The following ZRANB1 variants were observed in gnomAD, a reference collection of about 807,000 sequenced individuals.
ZRANB1 encodes ubiquitin thioesterase ZRANB1.
ZRANB1 carries 16 observed loss-of-function variants against 80.5 expected under a neutral mutation model. The observed-to-expected ratio is 0.20, with a 90% CI of 0.13 to 0.30. ZRANB1 has a LOEUF of 0.30. Ranked by LOEUF, ZRANB1 falls within the 10% of genes least tolerant of loss-of-function variation. The pLI is 1.00. For missense variants in ZRANB1, 576 were observed against 862.6 expected (o/e 0.67, Z 4.16); for synonymous variants, 291 against 293.1 (o/e 0.99, Z 0.07).
At chr10:124,932,281 ATTTTTTTTTTTTT>A in the ZRANB1 span, among the ~76,000 whole-genome samples, 220 of 115,224 alleles carry the variant, frequency 1.9e-3, no homozygotes, top group Non-Finnish European at 2.3e-3. Flanking sequence ...GGGTGTAAAG[ATTTTTTTTTTTTT>A]TTTTTTTTTT....
At chr10:124,922,244 T>TTA in the ZRANB1 span, among the ~76,000 whole-genome samples, 1 of 119,092 alleles carries the variant, frequency 8.4e-6, no homozygotes, top group African/African-American at 3.8e-5. Flanking sequence ...TGAGCCCAAA[T>TTA]TATATATATA....
Position 124,983,034 on chromosome 10 carries a change from A to G in ZRANB1, c.1549-141A>G, listed in dbSNP as rs1425961332. 3.9e-6 allele frequency: 3 copies of G among 778,196 alleles called. No homozygotes were observed. The highest frequency in any genetic ancestry group is 3.9e-6 in the Non-Finnish European group (2 of 508,078). 48.2% of individuals were successfully genotyped at this position (778,196 alleles called of 1,614,324 possible). ...TTTTACTGGATTTATTATTTGAGGA[A>G]TCAAATGCTGCTTTGACAATCTTTT... On this transcript the variant is annotated intron_variant, in intron 6 of 8. Transcript: ENST00000359653. This position sits in a 1 kb window ranked among gnomAD's most constrained non-coding sequence, Gnocchi z 6.2.
chr10:124,986,705 G>GTTA lies in ZRANB1; in HGVS notation c.*1714_*1716dup, dbSNP rs1400571033. 8 of 152,204 alleles carry GTTA rather than the reference G, an allele frequency of 5.3e-5. No homozygotes were observed. The highest frequency in any genetic ancestry group is 1.9e-4 in the African/African-American group (8 of 41,446). The allele number at this position is 152,204 out of a possible 1,614,324, so 9.4% of individuals were successfully genotyped here. Reference sequence around the variant, plus strand: ...ATAAGTAATCAAGTTTGTAGAAAATGTTAGCATTCTGACTACTTAGCATCT... The same window carrying GTTA: ...ATAAGTAATCAAGTTTGTAGAAAATGTTATTAGCATTCTGACTACTTAGCATCT... On this transcript the variant is annotated 3_prime_UTR_variant, in exon 9 of 9. Coordinates refer to ENST00000359653, the MANE Select transcript of ZRANB1 (RefSeq NM_017580.3).
chr10:124,929,944 C>CAAAAAA, the ZRANB1 span, among the ~76,000 whole-genome samples: 2 of 87,806 alleles, frequency 2.3e-5, no homozygotes, highest in Admixed American at 1.2e-4. Flanking sequence ...GACTCTGTCT[C>CAAAAAA]AAAAAAAAAA....
intron 5 of ZRANB1, among the ~76,000 whole-genome samples, chr10:124,980,386 A>G (rs74160988): frequency 0.027 from 4,133 of 152,292 alleles, 175 homozygotes; most frequent in African/African-American, 0.093. Context: ...TTTGAGTGCA[A>G]TCACCATTGA....
At chr10:124,921,158 T>C in the ZRANB1 span, among the ~76,000 whole-genome samples, 1 of 152,210 alleles carries the variant, frequency 6.6e-6, no homozygotes, top group Non-Finnish European at 1.5e-5. Flanking sequence ...GTTTCTCTGG[T>C]TTACTTCAGA....
At chr10:124,980,795 A>T (rs1951925030) in intron 5 of ZRANB1, among the ~76,000 whole-genome samples, 1 of 152,100 alleles carries the variant, frequency 6.6e-6, no homozygotes, top group Non-Finnish European at 1.5e-5. Context: ...CCCGCAATAT[A>T]GCCGGGGTCT....
At position 124,942,967 on chromosome 10, in the gene ZRANB1, C is replaced by T; in HGVS notation, c.474C>T (p.Cys158=). ...TRTQHWTCSV[C]TYENWAKAKR... ...CACAGCACTGGACTTGCTCTGTTTG[C>T]ACATATGAAAACTGGGCCAAGGCTA... Residue 158 remains cysteine (C), a synonymous_variant, in exon 1 of 9, where the codon TGC becomes TGT. Transcript: ENST00000359653. 6.2e-7 allele frequency: 1 copy of T among 1,614,178 alleles called. No individual in the cohort carries two copies. Among genetic ancestry groups the T allele is most frequent in the South Asian group, 1.1e-5 (1 of 91,086 alleles).
At chr10:124,966,808 T>C (rs1002838432) in intron 2 of ZRANB1, 27 bp downstream of exon 2, 2 of 1,587,836 alleles carry the variant, frequency 1.3e-6, no homozygotes, top group African/African-American at 2.7e-5. Flanking sequence ...GGTTAAATGT[T>C]CTTTTATATT....
Position 124,974,353 on chromosome 10 carries a change from T to C in ZRANB1, c.1382T>C (p.Val461Ala), listed in dbSNP as rs1402272666. Reference sequence around the variant, plus strand: ...TGGGGCATCTATGACAAGGACTCAGTGCTTCGGAAAGCCCTGCATGACAGC... The same window carrying C: ...TGGGGCATCTATGACAAGGACTCAGCGCTTCGGAAAGCCCTGCATGACAGC... ...ATWGIYDKDS[V>A]LRKALHDSLH... Residue 461 changes from valine (V) to alanine (A), a missense_variant, in exon 5 of 9, where the codon GTG becomes GCG. Around this residue, in one of 3 missense-constraint regions of ZRANB1, gnomAD observed 411 missense variants for 583.1 expected, o/e 0.70. Coordinates refer to ENST00000359653, the MANE Select transcript of ZRANB1 (RefSeq NM_017580.3). 2.5e-6 allele frequency: 4 copies of C among 1,614,246 alleles called. No homozygotes were observed. Among genetic ancestry groups the C allele is most frequent in the Non-Finnish European group, 3.4e-6 (4 of 1,180,034 alleles).
At chr10:124,980,166 A>G (rs1242396961) in intron 5 of ZRANB1, among the ~76,000 whole-genome samples, 1 of 152,202 alleles carries the variant, frequency 6.6e-6, no homozygotes, top group Non-Finnish European at 1.5e-5. Flanking sequence ...CAATCCATGA[A>G]CATGGAATTG....
the ZRANB1 span, among the ~76,000 whole-genome samples, chr10:124,923,713 GGA>G: frequency 2.0e-5 from 3 of 151,894 alleles, no homozygotes; most frequent in Admixed American, 6.5e-5. Context: ...TCACAAGGCA[GGA>G]GAGAGAGAGT....
rs540527864 is a variant in ZRANB1, at chr10:124,958,952, A to G, written c.815-7642A>G. Among the ~76,000 whole-genome samples, 8 of 152,358 alleles carry G rather than the reference A, an allele frequency of 5.3e-5. No individual in the cohort carries two copies. The South Asian group carries it at 1.7e-3, about 32-fold the overall frequency. On this transcript the variant is annotated intron_variant, in intron 1 of 8. Coordinates refer to ENST00000359653, the MANE Select transcript of ZRANB1 (RefSeq NM_017580.3). ...GGCCTCCCCAAATTGCTGGGATTAC[A>G]GCGGCGAGCCTTGGCACCTGGCCTC...
At chr10:124,968,989 C>T (rs916034454) in intron 2 of ZRANB1, among the ~76,000 whole-genome samples, 5 of 152,126 alleles carry the variant, frequency 3.3e-5, no homozygotes, top group South Asian at 2.1e-4. Flanking sequence ...AGGTTGCAGT[C>T]AAGTGGTCCA....
At chr10:124,976,519 T>G (rs1372823526) in intron 5 of ZRANB1, among the ~76,000 whole-genome samples, 1 of 151,692 alleles carries the variant, frequency 6.6e-6, no homozygotes, top group African/African-American at 2.4e-5. Flanking sequence ...CTTTGCAGGT[T>G]CTCTCTAAAA....
chr10:124,933,134 CTTTCT>C, the ZRANB1 span, among the ~76,000 whole-genome samples: 6 of 98,178 alleles, frequency 6.1e-5, no homozygotes, highest in Admixed American at 2.3e-4. Context: ...ACTTTCTTTT[CTTTCT>C]TTTTTTTTTT....
chr10:124,924,036 C>G, the ZRANB1 span, among the ~76,000 whole-genome samples: 1 of 151,862 alleles, frequency 6.6e-6, no homozygotes, highest in Non-Finnish European at 1.5e-5. Flanking sequence ...TTTGGTTTTT[C>G]ATCCTTTGTC....
the ZRANB1 span, among the ~76,000 whole-genome samples, chr10:124,932,844 C>T: frequency 1.6e-4 from 24 of 152,018 alleles, no homozygotes; most frequent in East Asian, 3.1e-3. Context: ...ATTATAGGCG[C>T]GAGCCACCCC....
chr10:124,954,140 G>GTTTTTTTTTTT (rs55962412), intron 1 of ZRANB1, among the ~76,000 whole-genome samples: 3 of 52,510 alleles, frequency 5.7e-5, no homozygotes, highest in African/African-American at 2.5e-4. Context: ...GCTAATTCCT[G>GTTTTTTTTTTT]TTTTTTTTTT....
Sources: allele counts gnomAD v4.1 joint callset (sites outside exome capture counted in the v4.1 genomes callset), GRCh38; gene constraint gnomAD v4.1.1; regional missense constraint gnomAD v4.1.1; non-coding constraint Gnocchi (gnomAD v3.1); transcripts MANE v1.5; gene names NCBI Gene and HGNC (gene_info 2026-07-23, HGNC 2026-07-21).